The following MTCL2 variants were observed in gnomAD, a reference collection of about 807,000 sequenced individuals.
MTCL2 encodes microtubule cross-linking factor 2.
the MTCL2 span, among the ~76,000 whole-genome samples, chr20:36,802,056 C>T: frequency 1.2e-4 from 19 of 152,130 alleles, no homozygotes; most frequent in South Asian, 4.1e-4. Flanking sequence ...GAGGCTGAGG[C>T]GGGAGGATCA....
At chr20:36,784,985 T>C in the MTCL2 span, 3 of 985,316 alleles carry the variant, frequency 3.0e-6, no homozygotes, top group Admixed American at 6.1e-5. Flanking sequence ...GTTCGACTCA[T>C]GAAGAAAGGT....
chr20:36,817,599 T>C, the MTCL2 span: 1 of 748,512 alleles, frequency 1.3e-6, no homozygotes, highest in Non-Finnish European at 2.1e-6. Context: ...CACCCCACCC[T>C]GATGGCACTG....
the MTCL2 span, chr20:36,793,080 T>C: frequency 1.2e-6 from 1 of 832,546 alleles, no homozygotes; most frequent in African/African-American, 1.7e-5. This position sits in a 1 kb window ranked among gnomAD's most constrained non-coding sequence, Gnocchi z 6.8. Context: ...AATTTTTGTA[T>C]TTTTAGTAGA....
the MTCL2 span, among the ~76,000 whole-genome samples, chr20:36,824,607 T>C: frequency 1.3e-5 from 2 of 152,154 alleles, no homozygotes; most frequent in East Asian, 3.9e-4. Context: ...ACATCATGAA[T>C]ATACTAAAAA....
At chr20:36,852,765 G>A in the MTCL2 span, among the ~76,000 whole-genome samples, 1 of 152,042 alleles carries the variant, frequency 6.6e-6, no homozygotes, top group Admixed American at 6.6e-5. Context: ...TGCATCAAAG[G>A]TCCTGATGAG....
chr20:36,820,003 G>A, the MTCL2 span, among the ~76,000 whole-genome samples: 1 of 152,182 alleles, frequency 6.6e-6, no homozygotes, highest in Non-Finnish European at 1.5e-5. Context: ...CCCTGGACGG[G>A]GCACACAGAA....
chr20:36,846,902 C>T, the MTCL2 span, among the ~76,000 whole-genome samples: 2 of 152,178 alleles, frequency 1.3e-5, no homozygotes, highest in South Asian at 2.1e-4. Context: ...CCCAGCTACT[C>T]GGGAGGCTGA....
the MTCL2 span, among the ~76,000 whole-genome samples, chr20:36,792,708 A>G: frequency 6.6e-6 from 1 of 152,150 alleles, no homozygotes; most frequent in Non-Finnish European, 1.5e-5. Context: ...CTTGGAATTC[A>G]GACCATGTGA....
the MTCL2 span, chr20:36,794,648 A>AG: frequency 9.3e-6 from 15 of 1,612,438 alleles, no homozygotes; most frequent in East Asian, 3.1e-4. The surrounding 1 kb of genome is among the most constrained non-coding windows in gnomAD (Gnocchi z 5.4). Flanking sequence ...AATAACACTG[A>AG]GGGCACACTC....
chr20:36,841,540 C>G, the MTCL2 span, among the ~76,000 whole-genome samples: 1 of 151,950 alleles, frequency 6.6e-6, no homozygotes, highest in Non-Finnish European at 1.5e-5. Context: ...GCAGAGGGAA[C>G]AGTGTGTGCC....
chr20:36,840,483 A>T, the MTCL2 span, among the ~76,000 whole-genome samples: 1 of 151,368 alleles, frequency 6.6e-6, no homozygotes, highest in African/African-American at 2.4e-5. Context: ...TGTTCTTTTA[A>T]GCCACTAAAT....
At chr20:36,854,478 G>T in the MTCL2 span, among the ~76,000 whole-genome samples, 29 of 152,292 alleles carry the variant, frequency 1.9e-4, no homozygotes, top group Admixed American at 1.6e-3. Flanking sequence ...GCCGGGAACT[G>T]CAAGCACAAA....
the MTCL2 span, among the ~76,000 whole-genome samples, chr20:36,805,505 C>T: frequency 6.6e-6 from 1 of 152,216 alleles, no homozygotes; most frequent in Non-Finnish European, 1.5e-5. Context: ...CCAAGCCATA[C>T]TCAATACCAG....
At chr20:36,862,971 T>C in the MTCL2 span, 1 of 1,407,928 alleles carries the variant, frequency 7.1e-7, no homozygotes, top group Non-Finnish European at 9.3e-7. Flanking sequence ...CGACGCGCAG[T>C]CCGACACCTC....
the MTCL2 span, chr20:36,809,865 C>T: frequency 1.5e-6 from 2 of 1,318,322 alleles, no homozygotes; most frequent in Admixed American, 2.2e-5. Flanking sequence ...TGAGCCACCA[C>T]ACCCAGCCTC....
the MTCL2 span, among the ~76,000 whole-genome samples, chr20:36,853,102 G>A: frequency 6.7e-6 from 1 of 149,444 alleles, no homozygotes; most frequent in Non-Finnish European, 1.5e-5. Context: ...GCCAGGACAC[G>A]CAGCCTGGCA....
chr20:36,840,531 G>C, the MTCL2 span, among the ~76,000 whole-genome samples: 43 of 151,896 alleles, frequency 2.8e-4, no homozygotes, highest in Admixed American at 1.6e-3. Flanking sequence ...GGAACACACT[G>C]GGGAAGCAGG....
the MTCL2 span, among the ~76,000 whole-genome samples, chr20:36,841,874 G>GGGGGGTGTGTGTGT: frequency 9.9e-5 from 11 of 110,768 alleles, no homozygotes; most frequent in African/African-American, 3.2e-4. Flanking sequence ...TGGGGGGTGG[G>GGGGGGTGTGTGTGT]GTGTGTGTGT....
chr20:36,841,429 A>T, the MTCL2 span, among the ~76,000 whole-genome samples: 1 of 151,720 alleles, frequency 6.6e-6, no homozygotes, highest in Non-Finnish European at 1.5e-5. Flanking sequence ...GGGGGGTGCT[A>T]TGTTAGGGGA....
Sources: allele counts gnomAD v4.1 joint callset (sites outside exome capture counted in the v4.1 genomes callset), GRCh38; gene constraint gnomAD v4.1.1; non-coding constraint Gnocchi (gnomAD v3.1); transcripts MANE v1.5; gene names NCBI Gene and HGNC (gene_info 2026-07-23, HGNC 2026-07-21).